ZNF705G: variants seen among roughly 807,000 people sequenced by gnomAD.
ZNF705G encodes putative zinc finger protein 705G.
A neutral mutation model predicts 19.6 loss-of-function variants in ZNF705G; 23 were observed. The ratio of observed to expected loss-of-function variants is 1.17; its 90% CI spans 0.84 to 1.66. ZNF705G has a LOEUF of 1.66. ZNF705G is among the 40% of genes most tolerant of loss of function. The pLI is 0.00. For synonymous variants in ZNF705G, 146 were observed against 117.7 expected, an observed-to-expected ratio of 1.24 and a Z score of -1.56; for missense variants, 457 against 354.4, an observed-to-expected ratio of 1.29 and a Z score of -2.32.
At chr8:7,364,765 T>C (rs1280650115) in intron 2 of ZNF705G, among the ~76,000 whole-genome samples, 2 of 149,578 alleles carry the variant, frequency 1.3e-5, no homozygotes, top group East Asian at 3.9e-4. Flanking sequence ...ATTTTCTACA[T>C]CTGTTCATCA....
At chr8:7,379,742 C>T (rs1447299483) in intron 2 of ZNF705G, among the ~76,000 whole-genome samples, 1 of 147,246 alleles carries the variant, frequency 6.8e-6, no homozygotes, top group Non-Finnish European at 1.5e-5. Flanking sequence ...TCTCTCAGCC[C>T]TCGCAGGCCC....
At chr8:7,368,091 T>C (rs1400321969) in intron 2 of ZNF705G, among the ~76,000 whole-genome samples, 1 of 149,292 alleles carries the variant, frequency 6.7e-6, no homozygotes, top group Non-Finnish European at 1.5e-5. Context: ...CTTCCCCTTA[T>C]ATATGAAAAA....
intron 3 of ZNF705G, among the ~76,000 whole-genome samples, chr8:7,361,437 G>C (rs1170780257): frequency 1.1e-4 from 16 of 149,716 alleles, no homozygotes; most frequent in Admixed American, 4.6e-4. Flanking sequence ...ATCCATTAAA[G>C]TTTACTATAA....
chr8:7,366,095 G>C (rs1338433879), intron 2 of ZNF705G, among the ~76,000 whole-genome samples: 2 of 149,258 alleles, frequency 1.3e-5, no homozygotes, highest in African/African-American at 5.2e-5. Context: ...GAGTAAAAGA[G>C]AATAGATTTT....
rs571644538 is a variant in ZNF705G at position 7,371,148 on chromosome 8, C to A, written c.-71-8131G>T. Among the ~76,000 whole-genome samples the A allele has an allele frequency of 4.3e-5, 6 of 140,936 alleles. No homozygotes were observed. The South Asian group carries it at 1.4e-3, about 34-fold the overall frequency. The allele number at this position is 140,936 out of a possible 152,430, so 92.5% of individuals were successfully genotyped here. On this transcript the variant is annotated intron_variant, in intron 2 of 6. Transcript: ENST00000400156. Reference sequence around the variant, plus strand: ...TGTTCAGTGTTACATAATAACGAAACCCTGTCATTTGTGACAACATGGATG... The same window carrying A: ...TGTTCAGTGTTACATAATAACGAAAACCTGTCATTTGTGACAACATGGATG...
rs1233095347 is a variant in ZNF705G at position 7,358,434 on chromosome 8, A to C, written c.445T>G (p.Cys149Gly). 1 of 1,607,738 alleles carries C rather than the reference A, an allele frequency of 6.2e-7. No individual in the cohort carries two copies. The highest frequency in any genetic ancestry group is 8.5e-7 in the Non-Finnish European group (1 of 1,179,598). ...SGKKPYVSKQ[C>G]GKSLRNLLST... is the part of the protein sequence containing the mutation. The stretch of plus-strand genomic sequence containing the variant: ...AAAAGATTACGAAGGGATTTTCCAC[A>C]CTGTTTGCTGACATAGGGTTTCTTT... Residue 149 changes from cysteine to glycine, a missense_variant, in exon 7 of 7, where the codon TGT (cysteine) becomes GGT (glycine). By Grantham distance (159) the Cys-to-Gly change is radical. Transcript: ENST00000400156.
rs1301747343 is a variant in ZNF705G at position 7,363,828 on chromosome 8, A to T, written c.-71-811T>A. On this transcript the variant is annotated intron_variant, in intron 2 of 6. Transcript: ENST00000400156. The stretch of plus-strand genomic sequence containing the variant: ...AGAGCGAGACTCTGTCTCAAAAAAA[A>T]AAATCTGTTTTAGGATGGGGATAAT... Among the ~76,000 whole-genome samples the T allele has an allele frequency of 2.0e-5, 3 of 149,382 alleles. 1 individual carries two copies. Among genetic ancestry groups the T allele is most frequent in the African/African-American group, 7.7e-5 (3 of 38,848 alleles).
At chr8:7,366,391 A>C (rs1806859071) in intron 2 of ZNF705G, among the ~76,000 whole-genome samples, 1 of 149,632 alleles carries the variant, frequency 6.7e-6, no homozygotes. Flanking sequence ...ACTGCATACA[A>C]AGTTTGTGTA....
chr8:7,383,469 G>A (rs1474878275), intron 1 of ZNF705G, among the ~76,000 whole-genome samples: 1 of 146,374 alleles, frequency 6.8e-6, no homozygotes, highest in East Asian at 1.9e-4. Context: ...GCAGAGACGA[G>A]GTACTCACGT....
intron 2 of ZNF705G, among the ~76,000 whole-genome samples, chr8:7,368,547 G>T (rs1300827416): frequency 6.7e-6 from 1 of 149,750 alleles, no homozygotes; most frequent in Non-Finnish European, 1.5e-5. Flanking sequence ...TATTATAGGG[G>T]TCATGTAGTA....
At chr8:7,365,646 A>T (rs1000260179) in intron 2 of ZNF705G, among the ~76,000 whole-genome samples, 1 of 149,460 alleles carries the variant, frequency 6.7e-6, no homozygotes, top group African/African-American at 2.6e-5. Context: ...TTGGGATTAC[A>T]GGCGTGAGCC....
chr8:7,381,117 A>G lies in ZNF705G; in HGVS notation c.-72+335T>C, dbSNP rs1256706440. ...GTGGTCAGCATTATTTGTTATTAGT[A>G]TTAGTGTTGTCGTTGCCATTGCTTT... On this transcript the variant is annotated intron_variant, in intron 2 of 6. Transcript: ENST00000400156. Among the ~76,000 whole-genome samples, 14 of 127,976 alleles carry G rather than the reference A, an allele frequency of 1.1e-4. No individual in the cohort carries two copies. In the South Asian group the frequency reaches 2.0e-3, roughly 18 times the overall value. 84.0% of individuals were successfully genotyped at this position (127,976 alleles called of 152,430 possible).
At chr8:7,378,804 A>C (rs71511230) in intron 2 of ZNF705G, among the ~76,000 whole-genome samples, 3 of 146,252 alleles carry the variant, frequency 2.1e-5, no homozygotes, top group Admixed American at 6.6e-5. Flanking sequence ...ATAATCTAAG[A>C]TAATCTCCCT....
At chr8:7,370,288 CAAAG>C (rs1807044909) in intron 2 of ZNF705G, among the ~76,000 whole-genome samples, 1 of 143,256 alleles carries the variant, frequency 7.0e-6, no homozygotes, top group Non-Finnish European at 1.5e-5. Context: ...AAAAAATATG[CAAAG>C]ATCTGAGTAG....
intron 3 of ZNF705G, among the ~76,000 whole-genome samples, chr8:7,362,015 T>A (rs1329371102): frequency 3.3e-5 from 5 of 149,782 alleles, no homozygotes; most frequent in African/African-American, 1.0e-4. Context: ...TCCTGTGATA[T>A]GAAGCTTTCT....
chr8:7,371,354 G>C (rs1409291601), intron 2 of ZNF705G, among the ~76,000 whole-genome samples: 1 of 141,094 alleles, frequency 7.1e-6, no homozygotes, highest in African/African-American at 2.8e-5. Flanking sequence ...CAAAGTTTCA[G>C]ATATACCACG....
intron 2 of ZNF705G, among the ~76,000 whole-genome samples, chr8:7,379,838 C>T (rs558268696): frequency 8.8e-5 from 13 of 146,996 alleles, no homozygotes; most frequent in East Asian, 1.9e-4. Context: ...CTGCACCTGC[C>T]CCCAGACACA....
At chr8:7,367,422 G>A (rs1309156056) in intron 2 of ZNF705G, among the ~76,000 whole-genome samples, 4 of 149,608 alleles carry the variant, frequency 2.7e-5, no homozygotes, top group Admixed American at 6.6e-5. Context: ...CTTCTTGGGC[G>A]TGCATGTTAA....
At position 7,360,890 on chromosome 8, in the gene ZNF705G, T is replaced by A. The variant is rs746032895; in HGVS notation, c.139+220A>T. Among the ~76,000 whole-genome samples the A allele has an allele frequency of 2.6e-4, 39 of 149,546 alleles. No individual in the cohort carries two copies. In the East Asian group the frequency reaches 6.9e-3, roughly 27 times the overall value. ...TACCAAAGAAACCATGAAATCCTTG[T>A]CAAGACTACATTCTAATTGAGTGAC... is the stretch of plus-strand genomic sequence containing the variant. On this transcript the variant is annotated intron_variant, in intron 4 of 6. Transcript: ENST00000400156.
Sources: gnomAD v4.1 joint callset for allele counts (sites outside exome capture counted in the v4.1 genomes callset) on GRCh38, gnomAD v4.1.1 for gene constraint, MANE v1.5 for transcripts, NCBI Gene and HGNC (gene_info 2026-07-23, HGNC 2026-07-21) for gene names.